EBF1: variants seen among roughly 807,000 people sequenced by gnomAD.
EBF1 encodes the protein transcription factor COE1.
A neutral mutation model predicts 68.4 loss-of-function variants in EBF1; 10 were observed. The ratio of observed to expected loss-of-function variants is 0.15; its 90% CI spans 0.09 to 0.25. The LOEUF (loss-of-function observed/expected upper bound fraction) is 0.25. Ranked by LOEUF, EBF1 falls within the 10% of genes least tolerant of loss-of-function variation. The probability of loss-of-function intolerance (pLI) is 1.00; values close to 1 mark genes in which losing one functional copy is unlikely to be tolerated. For missense variants in EBF1, 509 were observed against 794.4 expected, an observed-to-expected ratio of 0.64 and a Z score of 4.32; for synonymous variants, 298 against 299.8, an observed-to-expected ratio of 0.99 and a Z score of 0.06.
chr5:158,868,993 T>C (rs1180006260), intron 6 of EBF1, among the ~76,000 whole-genome samples: 2 of 152,162 alleles, frequency 1.3e-5, no homozygotes, highest in African/African-American at 4.8e-5. Context: ...AGAAAGATGA[T>C]ATGTACTTTT....
intron 6 of EBF1, among the ~76,000 whole-genome samples, chr5:158,911,726 A>T (rs1423189408): frequency 1.3e-5 from 2 of 152,118 alleles, no homozygotes; most frequent in Non-Finnish European, 2.9e-5. Flanking sequence ...GAGTATACCC[A>T]CCACTCCTGT....
intron 6 of EBF1, among the ~76,000 whole-genome samples, chr5:159,072,361 C>A (rs1356162369): frequency 6.6e-6 from 1 of 151,982 alleles, no homozygotes; most frequent in Non-Finnish European, 1.5e-5. Flanking sequence ...TTGTTGTTGT[C>A]ATTGTTAACT....
intron 6 of EBF1, among the ~76,000 whole-genome samples, chr5:158,950,966 A>C (rs557103083): frequency 5.3e-5 from 8 of 152,274 alleles, no homozygotes; most frequent in African/African-American, 1.9e-4. Context: ...TTTTCAAGAG[A>C]AGATGGAAAG....
intron 7 of EBF1, among the ~76,000 whole-genome samples, chr5:158,833,614 T>C (rs1284988317): frequency 6.6e-6 from 1 of 152,214 alleles, no homozygotes; most frequent in Non-Finnish European, 1.5e-5. Context: ...GCACCCTTCA[T>C]GTGTCCTTCT....
At chr5:158,993,213 A>G (rs1039286303) in intron 6 of EBF1, among the ~76,000 whole-genome samples, 1 of 151,700 alleles carries the variant, frequency 6.6e-6, no homozygotes, top group African/African-American at 2.4e-5. Flanking sequence ...CACCCAGCTA[A>G]TTTTTTTGTA....
intron 9 of EBF1, among the ~76,000 whole-genome samples, chr5:158,794,875 T>A (rs1050029992): frequency 6.6e-6 from 1 of 152,208 alleles, no homozygotes; most frequent in African/African-American, 2.4e-5. Context: ...TAGAGTACAG[T>A]TGGCAAGGGG....
intron 9 of EBF1, 95 bp from the exon 10 acceptor site, chr5:158,777,634 A>G: frequency 1.6e-6 from 2 of 1,282,164 alleles, no homozygotes; most frequent in Non-Finnish European, 2.1e-6. Flanking sequence ...TTTAAAACAC[A>G]TAATTAACCT....
chr5:158,977,500 T>C (rs1294573290), intron 6 of EBF1, among the ~76,000 whole-genome samples: 1 of 152,206 alleles, frequency 6.6e-6, no homozygotes, highest in East Asian at 1.9e-4. Flanking sequence ...ATGAACAGAA[T>C]ATTCCTGATC....
At chr5:158,919,629 A>G (rs1807963476) in intron 6 of EBF1, among the ~76,000 whole-genome samples, 1 of 152,188 alleles carries the variant, frequency 6.6e-6, no homozygotes, top group African/African-American at 2.4e-5. Context: ...GAAACCTGAA[A>G]CAGAACCACA....
intron 14 of EBF1, 59 bp from the exon 15 acceptor site, chr5:158,708,232 A>G (rs1247894497): frequency 6.6e-7 from 1 of 1,515,788 alleles, no homozygotes; most frequent in Non-Finnish European, 8.9e-7. Context: ...TGAAGCAAAG[A>G]AGCTCAGATC....
intron 14 of EBF1, 29 bp downstream of exon 14, chr5:158,712,125 A>G: frequency 1.2e-6 from 2 of 1,611,338 alleles, no homozygotes; most frequent in African/African-American, 2.7e-5. Context: ...CGAAACGTGC[A>G]GGAACGCAGG....
rs550162550 is a variant in EBF1 at position 158,877,827 on chromosome 5, T to C, written c.555-37717A>G. Among the ~76,000 whole-genome samples the C allele has an allele frequency of 2.4e-3, 371 of 152,138 alleles. 7 individuals are homozygous for C. The highest frequency in any genetic ancestry group is 0.02 in the Admixed American group (302 of 15,276). On this transcript the variant is annotated intron_variant, in intron 6 of 15. Coordinates refer to ENST00000313708, the MANE Select transcript of EBF1 (RefSeq NM_024007.5). Reference sequence around the variant, plus strand: ...CCATGGCTTCCTTTTCCAATAATGGTTGGGAAGCCTCATTAGAATAATTAG... The same window carrying C: ...CCATGGCTTCCTTTTCCAATAATGGCTGGGAAGCCTCATTAGAATAATTAG...
chr5:158,975,213 A>G (rs1164479990), intron 6 of EBF1, among the ~76,000 whole-genome samples: 1 of 152,184 alleles, frequency 6.6e-6, no homozygotes. Context: ...TAATGATCTC[A>G]CATTAAAACC....
At chr5:159,042,867 A>AT (rs1013050312) in intron 6 of EBF1, among the ~76,000 whole-genome samples, 16 of 151,828 alleles carry the variant, frequency 1.1e-4, no homozygotes, top group Admixed American at 5.3e-4. Flanking sequence ...CAGTAAAAAA[A>AT]AAAAAATAAA....
intron 6 of EBF1, among the ~76,000 whole-genome samples, chr5:158,912,468 T>G (rs1277368173): frequency 6.6e-6 from 1 of 152,200 alleles, no homozygotes; most frequent in East Asian, 1.9e-4. Context: ...TACCCGTCCC[T>G]TCTAAATTTG....
At chr5:158,809,772 C>T (rs1403199581) in intron 8 of EBF1, among the ~76,000 whole-genome samples, 1 of 152,154 alleles carries the variant, frequency 6.6e-6, no homozygotes, top group Non-Finnish European at 1.5e-5. Context: ...GAACATCTAA[C>T]ACAAACGATA....
At chr5:159,035,254 T>C (rs924338993) in intron 6 of EBF1, among the ~76,000 whole-genome samples, 3 of 152,034 alleles carry the variant, frequency 2.0e-5, no homozygotes, top group Non-Finnish European at 4.4e-5. Flanking sequence ...GGGAAACATC[T>C]CTAAATCACC....
intron 6 of EBF1, among the ~76,000 whole-genome samples, chr5:158,935,762 A>G (rs189090325): frequency 6.6e-6 from 1 of 152,356 alleles, no homozygotes; most frequent in African/African-American, 2.4e-5. Context: ...TATCTGAAGT[A>G]GGGACCATGT....
In EBF1 at chr5:158,853,350, A is replaced by C. The variant is rs150946813; in HGVS notation, c.555-13240T>G. Among the ~76,000 whole-genome samples, 42 of 152,368 alleles carry C rather than the reference A, an allele frequency of 2.8e-4. 2 individuals are homozygous for C. Among genetic ancestry groups the C allele is most frequent in the Admixed American group, 2.7e-3 (41 of 15,300 alleles). On this transcript the variant is annotated intron_variant, in intron 6 of 15. Transcript: ENST00000313708. ...CTGGCATGTGACCCAAGTCAAGCCA[A>C]TCAGGCTCTATCTGAGCTAGTCTCA...
Sources: gnomAD v4.1 joint callset for allele counts (sites outside exome capture counted in the v4.1 genomes callset) on GRCh38, gnomAD v4.1.1 for gene constraint, MANE v1.5 for transcripts, NCBI Gene and HGNC (gene_info 2026-07-23, HGNC 2026-07-21) for gene names.